The following CPED1 variants were observed in gnomAD, a reference collection of about 807,000 sequenced individuals.
CPED1 encodes cadherin like and PC-esterase domain containing 1, also known as cadherin-like and PC-esterase domain-containing protein 1.
CPED1 carries 114 observed loss-of-function variants against 128.2 expected under a neutral mutation model. The ratio of observed to expected loss-of-function variants is 0.89; its 90% CI spans 0.76 to 1.04. CPED1 has a LOEUF of 1.04. CPED1 is among the 50% of genes least tolerant of loss of function. CPED1 has a pLI of 0.00. For missense variants in CPED1, 1,211 were observed against 1,207.1 expected (o/e 1.00, Z -0.05); for synonymous variants, 462 against 426.7 (o/e 1.08, Z -1.02).
chr7:121,225,346 G>C (rs2094258010), intron 16 of CPED1, among the ~76,000 whole-genome samples: 1 of 152,180 alleles, frequency 6.6e-6, no homozygotes, highest in Non-Finnish European at 1.5e-5. Flanking sequence ...GAGATCCACT[G>C]TTAGTCTGAT....
intron 16 of CPED1, among the ~76,000 whole-genome samples, chr7:121,185,090 A>G (rs1467658265): frequency 6.6e-6 from 1 of 152,092 alleles, no homozygotes; most frequent in Non-Finnish European, 1.5e-5. Flanking sequence ...AATGGGAGCA[A>G]GCAGATGTAT....
intron 16 of CPED1, among the ~76,000 whole-genome samples, chr7:121,180,173 G>C (rs1461666262): frequency 6.6e-6 from 1 of 151,806 alleles, no homozygotes; most frequent in Non-Finnish European, 1.5e-5. Context: ...CCAACACTTG[G>C]GCAAACTGCA....
chr7:121,020,487 G>GA (rs1183221402), intron 3 of CPED1, among the ~76,000 whole-genome samples: 1 of 151,872 alleles, frequency 6.6e-6, no homozygotes, highest in African/African-American at 2.4e-5. Context: ...GTCCTTTACA[G>GA]AAAAAAGTTT....
intron 16 of CPED1, among the ~76,000 whole-genome samples, chr7:121,183,445 G>A (rs965009284): frequency 1.3e-5 from 2 of 152,110 alleles, no homozygotes; most frequent in Admixed American, 6.6e-5. Context: ...AAAGAGAGGA[G>A]GACAGTATAT....
chr7:121,243,497 A>G lies in CPED1; in HGVS notation c.2174-705A>G, dbSNP rs1209395165. 2.0e-5 allele frequency among the ~76,000 whole-genome samples: 3 copies of G among 152,326 alleles called. No homozygotes were observed. In the East Asian group the frequency reaches 5.8e-4, roughly 29 times the overall value. ...AAACATTTGCTAAAGCTTGGGACCT[A>G]CTTTCTACCTGAACTCTGTTAGTAA... On this transcript the variant is annotated intron_variant, in intron 17 of 22. Transcript: ENST00000310396.
intron 16 of CPED1, among the ~76,000 whole-genome samples, chr7:121,188,055 A>G (rs1160701579): frequency 6.6e-6 from 1 of 152,184 alleles, no homozygotes; most frequent in East Asian, 1.9e-4. Flanking sequence ...TTAAGTAACT[A>G]TTAATTTTTT....
At chr7:120,997,808 G>T (rs768732257) in intron 2 of CPED1, among the ~76,000 whole-genome samples, 20 of 152,114 alleles carry the variant, frequency 1.3e-4, no homozygotes, top group Non-Finnish European at 2.8e-4. Flanking sequence ...TGTAATTCCA[G>T]CTACTCAGTA....
chr7:121,172,749 G>A (rs1421526490), intron 16 of CPED1, among the ~76,000 whole-genome samples: 1 of 151,972 alleles, frequency 6.6e-6, no homozygotes, highest in African/African-American at 2.4e-5. Flanking sequence ...AATATTACAT[G>A]TCTAATTCTG....
chr7:121,282,850 T>C (rs1792489750), intron 22 of CPED1, among the ~76,000 whole-genome samples: 1 of 152,216 alleles, frequency 6.6e-6, no homozygotes, highest in African/African-American at 2.4e-5. Context: ...TGTGTCTTTA[T>C]ATAGTCCCCT....
intron 2 of CPED1, among the ~76,000 whole-genome samples, chr7:121,002,111 A>C (rs1422969833): frequency 6.6e-6 from 1 of 152,142 alleles, no homozygotes; most frequent in African/African-American, 2.4e-5. Flanking sequence ...TCAAAATGCC[A>C]CTAGGAGTCC....
rs763734536 is a variant in CPED1, at chr7:121,128,424, G to A, written c.1345G>A (p.Glu449Lys). The A allele has an allele frequency of 1.9e-6, 3 of 1,604,660 alleles. No homozygotes were observed. In the African/African-American group the frequency reaches 4.0e-5, roughly 21 times the overall value. ...QKELNQCLSL[E>K]EINSIMTFIK... ...GGAACTAAATCAGTGTCTGTCCTTAGAAGAAATTAACTCAATTATGACTTT... is the reference window on the plus strand; with the variant it reads ...GGAACTAAATCAGTGTCTGTCCTTAAAAGAAATTAACTCAATTATGACTTT... The change falls in exon 11 of 23, where the codon GAA becomes AAA. Residue 449 changes from glutamate to lysine, a missense_variant. By Grantham distance (56) the Glu-to-Lys change is moderately conservative. Coordinates refer to ENST00000310396, the MANE Select transcript of CPED1 (RefSeq NM_024913.5).
chr7:121,098,771 T>TATATAA (rs1794763626), intron 6 of CPED1, among the ~76,000 whole-genome samples: 5 of 121,332 alleles, frequency 4.1e-5, no homozygotes, highest in Non-Finnish European at 7.2e-5. Flanking sequence ...TATATAAATA[T>TATATAA]ATATATATAA....
rs1793214256 is a variant in CPED1, at chr7:121,046,917, G to T, written c.464G>T (p.Cys155Phe). 3 of 1,611,782 alleles carry T rather than the reference G, an allele frequency of 1.9e-6. No individual in the cohort carries two copies. The change falls in exon 4 of 23, where the codon TGC (cysteine) becomes TTC (phenylalanine). Residue 155 changes from cysteine to phenylalanine, a missense_variant. Cys to Phe is a radical substitution (Grantham distance 205, BLOSUM62 -2). Coordinates refer to ENST00000310396, the MANE Select transcript of CPED1 (RefSeq NM_024913.5). ...GDLGSWDLLI[C>F]LSSKKAEGTP... ...CTGGGCTCTTGGGATCTGCTCATTTGCCTGTCTTCTAAGAAAGCAGAAGGA... is the reference window on the plus strand; with the variant it reads ...CTGGGCTCTTGGGATCTGCTCATTTTCCTGTCTTCTAAGAAAGCAGAAGGA...
Position 120,997,265 on chromosome 7 carries a change from T to A in CPED1, c.249+7395T>A, listed in dbSNP as rs148308352. 4.9e-3 allele frequency among the ~76,000 whole-genome samples: 745 copies of A among 152,368 alleles called. 8 individuals carry two copies. Among genetic ancestry groups the A allele is most frequent in the Middle Eastern group, 0.014 (4 of 294 alleles). On this transcript the variant is annotated intron_variant, in intron 2 of 22. Coordinates refer to ENST00000310396, the MANE Select transcript of CPED1 (RefSeq NM_024913.5). The stretch of plus-strand genomic sequence containing the variant: ...ATTTATAAATGAAGGAACATTAGAA[T>A]GTTAGAACTGCAAATAAGTTAGAGA...
intron 17 of CPED1, 134 bp from the exon 18 acceptor site, chr7:121,244,068 A>G: frequency 2.0e-6 from 2 of 1,025,210 alleles, no homozygotes; most frequent in Middle Eastern, 2.8e-4. Context: ...TGCCTTCATT[A>G]TTCCACTAGA....
intron 3 of CPED1, among the ~76,000 whole-genome samples, chr7:121,036,098 G>A (rs1792876886): frequency 6.6e-6 from 1 of 152,096 alleles, no homozygotes; most frequent in African/African-American, 2.4e-5. Context: ...TAAAGGAAAG[G>A]TAGGGATTTG....
At chr7:121,201,766 C>T (rs1361553119) in intron 16 of CPED1, among the ~76,000 whole-genome samples, 1 of 152,062 alleles carries the variant, frequency 6.6e-6, no homozygotes, top group African/African-American at 2.4e-5. Flanking sequence ...TTCCGTCCTC[C>T]TCTCCTCTAC....
At chr7:121,169,901 T>C (rs1446529786) in intron 16 of CPED1, among the ~76,000 whole-genome samples, 1 of 152,184 alleles carries the variant, frequency 6.6e-6, no homozygotes, top group Non-Finnish European at 1.5e-5. Flanking sequence ...CATGGATGGC[T>C]CCAATAATGC....
Position 121,101,606 on chromosome 7 carries a change from G to A in CPED1, c.918+1512G>A, listed in dbSNP as rs1042648792. Among the ~76,000 whole-genome samples, 7 of 152,216 alleles carry A rather than the reference G, an allele frequency of 4.6e-5. No homozygotes were observed. In the East Asian group the frequency reaches 5.8e-4, roughly 13 times the overall value. ...TTTTTGCATTGCTATAAAGGAACAC[G>A]TGAGGCTGGGAAATGTATAAAGAAA... On this transcript the variant is annotated intron_variant, in intron 7 of 22. Coordinates refer to ENST00000310396, the MANE Select transcript of CPED1 (RefSeq NM_024913.5).
Sources: allele counts gnomAD v4.1 joint callset (sites outside exome capture counted in the v4.1 genomes callset), GRCh38; gene constraint gnomAD v4.1.1; transcripts MANE v1.5; gene names NCBI Gene and HGNC (gene_info 2026-07-23, HGNC 2026-07-21).